STXBP5L: variants seen among roughly 807,000 people sequenced by gnomAD.
STXBP5L encodes syntaxin binding protein 5L, also known as syntaxin-binding protein 5-like.
A neutral mutation model predicts 144.5 loss-of-function variants in STXBP5L; 65 were observed. The observed-to-expected ratio is 0.45, with a 90% confidence interval of 0.37 to 0.55. The LOEUF (loss-of-function observed/expected upper bound fraction) is 0.55. Among genes scored for constraint, STXBP5L ranks in the 20% least tolerant of loss-of-function variants. The pLI, the probability that STXBP5L is intolerant of heterozygous loss-of-function variation, is 0.00. For synonymous variants in STXBP5L, 505 were observed against 469.6 expected (o/e 1.08, Z -0.97); for missense variants, 1,298 against 1,405.5 (o/e 0.92, Z 1.22).
chr3:121,300,603 A>G (rs1322902188), intron 19 of STXBP5L, among the ~76,000 whole-genome samples: 4 of 152,150 alleles, frequency 2.6e-5, no homozygotes, highest in Non-Finnish European at 4.4e-5. Flanking sequence ...GCACATTATA[A>G]TCCCTAGAAC....
At chr3:121,076,709 C>T (rs964304393) in intron 5 of STXBP5L, among the ~76,000 whole-genome samples, 1 of 152,162 alleles carries the variant, frequency 6.6e-6, no homozygotes, top group Non-Finnish European at 1.5e-5. Context: ...ACAAAGGGTT[C>T]TCAGTTTCTG....
intron 12 of STXBP5L, among the ~76,000 whole-genome samples, chr3:121,238,139 T>A (rs979198870): frequency 6.6e-6 from 1 of 152,234 alleles, no homozygotes; most frequent in Non-Finnish European, 1.5e-5. Context: ...TCTGTCTTAG[T>A]CTGTTTTGTG....
intron 20 of STXBP5L, among the ~76,000 whole-genome samples, chr3:121,367,425 T>G (rs888307146): frequency 6.6e-6 from 1 of 151,996 alleles, no homozygotes; most frequent in Non-Finnish European, 1.5e-5. Context: ...GGTTGAAATT[T>G]TTTTTCCTCT....
At chr3:121,392,873 A>G (rs1179990967) in intron 22 of STXBP5L, among the ~76,000 whole-genome samples, 1 of 147,112 alleles carries the variant, frequency 6.8e-6, no homozygotes, top group African/African-American at 2.5e-5. Flanking sequence ...TGCTATTGTA[A>G]GTAGTGCTGC....
chr3:121,270,757 A>AT (rs2108418152), intron 18 of STXBP5L, among the ~76,000 whole-genome samples: 1 of 152,140 alleles, frequency 6.6e-6, no homozygotes, highest in African/African-American at 2.4e-5. Context: ...CTGACCCAGC[A>AT]TTTATTTTTT....
chr3:121,330,087 C>A (rs1693706934), intron 20 of STXBP5L, among the ~76,000 whole-genome samples: 1 of 152,092 alleles, frequency 6.6e-6, no homozygotes, highest in South Asian at 2.1e-4. Context: ...AATAATTATA[C>A]AATATTTCTG....
intron 5 of STXBP5L, among the ~76,000 whole-genome samples, chr3:121,049,014 G>A (rs1947735724): frequency 6.6e-6 from 1 of 152,198 alleles, no homozygotes; most frequent in Non-Finnish European, 1.5e-5. Flanking sequence ...AAAAATGGTG[G>A]CCTGCTTGCT....
intron 3 of STXBP5L, among the ~76,000 whole-genome samples, chr3:121,025,864 A>T (rs1006727224): frequency 2.0e-5 from 3 of 147,168 alleles, no homozygotes; most frequent in African/African-American, 7.4e-5. Context: ...ATATCATTAA[A>T]TTATATTATA....
chr3:121,057,732 C>T (rs1030131125), intron 5 of STXBP5L, among the ~76,000 whole-genome samples: 6 of 151,904 alleles, frequency 3.9e-5, no homozygotes, highest in African/African-American at 1.4e-4. Flanking sequence ...TTTTAGTTCT[C>T]TTTCTTAAAC....
At chr3:121,114,744 T>C (rs2044155948) in intron 5 of STXBP5L, among the ~76,000 whole-genome samples, 181 bp from the exon 6 acceptor site, 1 of 152,160 alleles carries the variant, frequency 6.6e-6, no homozygotes, top group Non-Finnish European at 1.5e-5. Context: ...ATTAACATTA[T>C]TGTTTTTAAC....
chr3:121,214,753 T>A (rs2048710762), intron 10 of STXBP5L, among the ~76,000 whole-genome samples: 1 of 152,180 alleles, frequency 6.6e-6, no homozygotes, highest in Admixed American at 6.5e-5. Flanking sequence ...AAGTCCTGAA[T>A]AGCCTTGTTA....
intron 5 of STXBP5L, among the ~76,000 whole-genome samples, chr3:121,103,775 G>A (rs2043552999): frequency 6.6e-6 from 1 of 152,134 alleles, no homozygotes; most frequent in South Asian, 2.1e-4. Context: ...TGTTGGTTAA[G>A]AGAAAAGTTA....
intron 6 of STXBP5L, among the ~76,000 whole-genome samples, chr3:121,115,278 T>C (rs761371991): frequency 6.6e-6 from 1 of 152,164 alleles, no homozygotes; most frequent in African/African-American, 2.4e-5. Flanking sequence ...GCTTTATATC[T>C]AAAAATGTGA....
chr3:120,947,294 A>G (rs1331900493), intron 2 of STXBP5L, among the ~76,000 whole-genome samples: 1 of 151,760 alleles, frequency 6.6e-6, no homozygotes, highest in Non-Finnish European at 1.5e-5. Flanking sequence ...TCTGTTCTAC[A>G]TTTTCTTTGC....
chr3:121,325,763 T>C (rs1437963870), intron 20 of STXBP5L, among the ~76,000 whole-genome samples: 1 of 152,008 alleles, frequency 6.6e-6, no homozygotes, highest in Non-Finnish European at 1.5e-5. Context: ...TGTATAGTAC[T>C]TTAAAGCAAA....
intron 8 of STXBP5L, 103 bp from the exon 9 acceptor site, chr3:121,157,401 A>C (rs1340926774): frequency 8.3e-7 from 1 of 1,202,130 alleles, no homozygotes; most frequent in Non-Finnish European, 1.1e-6. Context: ...AAGTGTTGTT[A>C]GTATAATAAT....
chr3:121,057,222 A>G (rs996586630), intron 5 of STXBP5L, among the ~76,000 whole-genome samples: 1 of 151,976 alleles, frequency 6.6e-6, no homozygotes, highest in African/African-American at 2.4e-5. Context: ...GTATGCGTCA[A>G]AAAACAGGCA....
intron 3 of STXBP5L, among the ~76,000 whole-genome samples, chr3:121,009,650 T>A (rs1365847074): frequency 6.6e-6 from 1 of 151,950 alleles, no homozygotes; most frequent in African/African-American, 2.4e-5. Flanking sequence ...GAGGAAGCAA[T>A]AATGGTGCAA....
intron 3 of STXBP5L, among the ~76,000 whole-genome samples, chr3:120,981,927 G>T (rs1044384217): frequency 6.6e-6 from 1 of 152,154 alleles, no homozygotes; most frequent in Admixed American, 6.5e-5. Context: ...AGGTATCAAG[G>T]TACTGTATGA....
Sources: gnomAD v4.1 joint callset for allele counts (sites outside exome capture counted in the v4.1 genomes callset) on GRCh38, gnomAD v4.1.1 for gene constraint, MANE v1.5 for transcripts, NCBI Gene and HGNC (gene_info 2026-07-23, HGNC 2026-07-21) for gene names.